The following RNLS variants were observed in gnomAD, a reference collection of about 807,000 sequenced individuals.
RNLS encodes renalase.
Under a neutral mutation model 39.8 loss-of-function variants are expected in RNLS, and 39 were observed. That is an observed-to-expected ratio of 0.98 (90% CI 0.76 to 1.28). The LOEUF is 1.28. Ranked by LOEUF, RNLS falls within the 50% of genes most tolerant of loss-of-function variation. RNLS has a pLI of 0.00. For synonymous variants in RNLS, 147 were observed against 150.7 expected, an observed-to-expected ratio of 0.98 and a Z score of 0.18; for missense variants, 410 against 413.3, an observed-to-expected ratio of 0.99 and a Z score of 0.07.
At chr10:88,239,895 T>C in the RNLS span, among the ~76,000 whole-genome samples, 2 of 152,212 alleles carry the variant, frequency 1.3e-5, no homozygotes, top group Non-Finnish European at 2.9e-5. Context: ...TGGTAGCTGC[T>C]AGCTGGTGGG....
the RNLS span, among the ~76,000 whole-genome samples, chr10:88,250,376 T>C: frequency 6.6e-6 from 1 of 152,240 alleles, no homozygotes; most frequent in South Asian, 2.1e-4. Context: ...TGTGGCTTTA[T>C]AAAGATTTTG....
At chr10:88,207,852 T>C in the RNLS span, among the ~76,000 whole-genome samples, 1 of 152,148 alleles carries the variant, frequency 6.6e-6, no homozygotes, top group Non-Finnish European at 1.5e-5. Context: ...ATTCCTGTGC[T>C]GATCTAGACA....
the RNLS span, among the ~76,000 whole-genome samples, chr10:88,194,815 T>G: frequency 2.6e-5 from 4 of 152,222 alleles, no homozygotes; most frequent in Non-Finnish European, 4.4e-5. Context: ...TTTACTTATC[T>G]TCAAAAATTG....
At chr10:88,301,380 C>T (rs569569005) in intron 6 of RNLS, among the ~76,000 whole-genome samples, 15 of 152,238 alleles carry the variant, frequency 9.9e-5, no homozygotes, top group South Asian at 6.2e-4. Context: ...AATTACTCAA[C>T]GCAATGCTTA....
the RNLS span, among the ~76,000 whole-genome samples, chr10:88,243,069 A>T: frequency 5.9e-5 from 9 of 152,234 alleles, no homozygotes; most frequent in African/African-American, 2.2e-4. Flanking sequence ...TCATCAGTAA[A>T]ACAGTGATAA....
chr10:88,312,091 T>TA (rs907393447), intron 6 of RNLS, among the ~76,000 whole-genome samples: 6 of 152,250 alleles, frequency 3.9e-5, no homozygotes, highest in Admixed American at 3.9e-4. Flanking sequence ...ATCCATGTCT[T>TA]AATCCCTGGA....
the RNLS span, among the ~76,000 whole-genome samples, chr10:88,246,711 C>G: frequency 6.6e-6 from 1 of 152,084 alleles, no homozygotes; most frequent in Non-Finnish European, 1.5e-5. Context: ...TAGAGACAGA[C>G]CTTCTAAAAT....
chr10:88,209,591 T>A, the RNLS span, among the ~76,000 whole-genome samples: 1 of 152,220 alleles, frequency 6.6e-6, no homozygotes, highest in Non-Finnish European at 1.5e-5. Flanking sequence ...ACTACAATTT[T>A]TGTTGTTGAA....
At chr10:88,542,541 G>A (rs962549231) in intron 4 of RNLS, among the ~76,000 whole-genome samples, 3 of 152,132 alleles carry the variant, frequency 2.0e-5, no homozygotes, top group African/African-American at 7.2e-5. Context: ...CCATGTCACA[G>A]AAAAGGTTAA....
intron 4 of RNLS, among the ~76,000 whole-genome samples, chr10:88,468,612 G>A (rs1843345219): frequency 1.3e-5 from 2 of 152,102 alleles, no homozygotes; most frequent in African/African-American, 2.4e-5. Flanking sequence ...TTATAGATTT[G>A]CTGTAAGAGC....
chr10:88,328,057 A>G (rs1846769188), intron 5 of RNLS, among the ~76,000 whole-genome samples: 1 of 151,720 alleles, frequency 6.6e-6, no homozygotes, highest in Non-Finnish European at 1.5e-5. Context: ...ACAGGCGTGC[A>G]CCACCATACC....
At chr10:88,259,994 C>A in the RNLS span, among the ~76,000 whole-genome samples, 2 of 152,044 alleles carry the variant, frequency 1.3e-5, no homozygotes, top group South Asian at 4.1e-4. Flanking sequence ...CCCGCCTCGG[C>A]CTCCCAAAGT....
chr10:88,377,171 G>A (rs746405211), intron 4 of RNLS, among the ~76,000 whole-genome samples: 36 of 152,014 alleles, frequency 2.4e-4, no homozygotes, highest in Admixed American at 3.9e-4. Context: ...AAGATAAGGT[G>A]TATTCTCCAC....
intron 5 of RNLS, among the ~76,000 whole-genome samples, chr10:88,354,815 A>G (rs1453186382): frequency 6.6e-6 from 1 of 152,230 alleles, no homozygotes; most frequent in African/African-American, 2.4e-5. Flanking sequence ...GTGTTTTCCA[A>G]GTTGGTTCCA....
chr10:88,358,422 C>T (rs1336509616), intron 5 of RNLS, among the ~76,000 whole-genome samples: 1 of 152,112 alleles, frequency 6.6e-6, no homozygotes, highest in Non-Finnish European at 1.5e-5. Context: ...TGCTGAAATA[C>T]AATATCCCAT....
At chr10:88,492,792 C>A (rs779122877) in intron 4 of RNLS, among the ~76,000 whole-genome samples, 1 of 152,036 alleles carries the variant, frequency 6.6e-6, no homozygotes, top group Non-Finnish European at 1.5e-5. Flanking sequence ...TTTTCAATCT[C>A]ATCATCCCCA....
chr10:88,279,292 G>A (rs563103371), downstream of RNLS, among the ~76,000 whole-genome samples: 21 of 152,100 alleles, frequency 1.4e-4, no homozygotes, highest in Non-Finnish European at 2.5e-4. Flanking sequence ...TATCAAAGGG[G>A]ATTATTTTCC....
chr10:88,210,205 C>G, the RNLS span, among the ~76,000 whole-genome samples: 5 of 152,208 alleles, frequency 3.3e-5, no homozygotes, highest in African/African-American at 7.2e-5. Flanking sequence ...TATATTATCA[C>G]TCCCCTGGGA....
At chr10:88,250,899 A>G in the RNLS span, among the ~76,000 whole-genome samples, 1 of 152,244 alleles carries the variant, frequency 6.6e-6, no homozygotes, top group Admixed American at 6.5e-5. Context: ...TGTGTATTTA[A>G]CATAACAAAA....
Sources: allele counts gnomAD v4.1 joint callset (sites outside exome capture counted in the v4.1 genomes callset), GRCh38; gene constraint gnomAD v4.1.1; transcripts MANE v1.5; gene names NCBI Gene and HGNC (gene_info 2026-07-23, HGNC 2026-07-21).